Variants in DENND2B observed in about 807,000 individuals in gnomAD.
The protein encoded by DENND2B is DENN domain containing 2B.
Under a neutral mutation model 116.0 loss-of-function variants are expected in DENND2B, and 32 were observed. The observed-to-expected ratio is 0.28, with a 90% CI of 0.21 to 0.37. The LOEUF is 0.37. Among genes scored for constraint, DENND2B ranks in the 10% least tolerant of loss-of-function variants. The probability of loss-of-function intolerance (pLI) is 1.00; values close to 1 mark genes in which losing one functional copy is unlikely to be tolerated. For missense variants in DENND2B, 1,276 were observed against 1,477.7 expected, an observed-to-expected ratio of 0.86 and a Z score of 2.24; for synonymous variants, 588 against 583.9, an observed-to-expected ratio of 1.01 and a Z score of -0.10.
Position 8,710,901 on chromosome 11 carries a change from A to C in DENND2B, c.2296T>G (p.Phe766Val). The C allele has an allele frequency of 1.9e-6, 3 of 1,614,124 alleles. No individual in the cohort carries two copies. Among genetic ancestry groups the C allele is most frequent in the Non-Finnish European group, 2.5e-6 (3 of 1,180,004 alleles). The change falls in exon 11 of 20, where the codon TTC becomes GTC. Residue 766 changes from phenylalanine (F) to valine (V), a missense_variant. Physicochemically the swap from Phe to Val is conservative, Grantham distance 50. This residue lies in a region of DENND2B where 420 missense variants were observed against 631.1 expected (regional missense o/e 0.67). Transcript: ENST00000313726. Reference sequence around the variant, plus strand: ...CTGCCATCTTCCCCAGTCAGCATGAAAGAAAAGGTCTCACTGGAACAAAGA... The same window carrying C: ...CTGCCATCTTCCCCAGTCAGCATGACAGAAAAGGTCTCACTGGAACAAAGA... ...VSEYSSETFS[F>V]MLTGEDGSRR...
intron 1 of DENND2B, among the ~76,000 whole-genome samples, chr11:8,901,758 A>G (rs2064174066): frequency 6.6e-6 from 1 of 152,112 alleles, no homozygotes; most frequent in Non-Finnish European, 1.5e-5. Context: ...ATTTGCAAAT[A>G]TTTGTAGATT....
chr11:8,889,860 T>G (rs549689747), intron 1 of DENND2B, among the ~76,000 whole-genome samples: 7 of 152,272 alleles, frequency 4.6e-5, no homozygotes, highest in African/African-American at 1.7e-4. Context: ...TCTGCAGACT[T>G]AAATGTCCCT....
At chr11:8,871,056 G>A (rs975614150) in exon 2 of DENND2B, 6 of 152,198 alleles carry the variant, frequency 3.9e-5, no homozygotes, top group African/African-American at 1.4e-4. Flanking sequence ...GGCGGGCGGC[G>A]GGCAGGCATC....
chr11:8,885,834 A>G (rs1411641008), intron 1 of DENND2B, among the ~76,000 whole-genome samples: 2 of 152,226 alleles, frequency 1.3e-5, no homozygotes, highest in South Asian at 2.1e-4. Context: ...GGTGACAACT[A>G]TCCCATAATT....
At position 8,810,607 on chromosome 11, in the gene DENND2B, C is replaced by T. The variant is rs2061304155; in HGVS notation, c.-116G>A. Reference sequence around the variant, plus strand: ...CCCCCAAATCCACTGGCTTAAGCTCCGATACCTGCTGCGAGCTTCCCACAG... The same window carrying T: ...CCCCCAAATCCACTGGCTTAAGCTCTGATACCTGCTGCGAGCTTCCCACAG... On this transcript the variant is annotated 5_prime_UTR_variant, in exon 1 of 20. Coordinates refer to ENST00000313726, the MANE Select transcript of DENND2B (RefSeq NM_213618.2). 6.6e-6 allele frequency: 1 copy of T among 152,312 alleles called. No homozygotes were observed. Among genetic ancestry groups the T allele is most frequent in the South Asian group, 2.1e-4 (1 of 4,832 alleles). The allele number at this position is 152,312 out of a possible 1,614,324, so 9.4% of individuals were successfully genotyped here.
intron 1 of DENND2B, among the ~76,000 whole-genome samples, chr11:8,903,933 A>C (rs531230106): frequency 3.5e-4 from 53 of 151,572 alleles, no homozygotes; most frequent in Admixed American, 2.1e-3. Context: ...AAATATAAGT[A>C]GACCTAAAAC....
rs764113378 is a variant in DENND2B at position 8,730,954 on chromosome 11, G to T, written c.336C>A (p.Asp112Glu). ...CGCCTTGGACACTTTCCTTTTGGGC[G>T]TCTCTCTTGCACGCCGAAGGGCTTC... ...LDRSPSACKR[D>E]AQKESVQGAA... The change falls in exon 3 of 20, where the codon GAC (aspartate) becomes GAA (glutamate). Residue 112 changes from aspartate to glutamate, a missense_variant. By Grantham distance (45) the Asp-to-Glu change is conservative. Around this residue, in one of 2 missense-constraint regions of DENND2B, gnomAD observed 856 missense variants for 846.6 expected, o/e 1.01. Coordinates refer to ENST00000313726, the MANE Select transcript of DENND2B (RefSeq NM_213618.2). This position sits in a 1 kb window ranked among gnomAD's most constrained non-coding sequence, Gnocchi z 4.1. The T allele has an allele frequency of 6.2e-7, 1 of 1,614,126 alleles. No homozygotes were observed. The highest frequency in any genetic ancestry group is 1.3e-5 in the African/African-American group (1 of 74,952).
At chr11:8,700,069 G>A (rs6483729) in intron 14 of DENND2B, 26,738 of 451,804 alleles carry the variant, frequency 0.059, 1,065 homozygotes, top group African/African-American at 0.13. Flanking sequence ...TGGCCTGGGG[G>A]GGGGCAGGGT....
intron 1 of DENND2B, among the ~76,000 whole-genome samples, chr11:8,754,027 G>A (rs1008429599): frequency 5.3e-3 from 61 of 11,582 alleles, no homozygotes; most frequent in African/African-American, 7.9e-3. Context: ...CACCAAAAGC[G>A]CGCACACACA....
upstream of DENND2B, chr11:8,810,786 CTTTT>C: frequency 2.0e-5 from 3 of 151,810 alleles, no homozygotes; most frequent in Non-Finnish European, 2.9e-5. Context: ...AGGGCGCTCT[CTTTT>C]TCTTTCTTTC....
chr11:8,791,885 G>A (rs1048585949), intron 1 of DENND2B, among the ~76,000 whole-genome samples: 17 of 152,124 alleles, frequency 1.1e-4, no homozygotes, highest in African/African-American at 4.1e-4. Flanking sequence ...TAGAAAAAAA[G>A]GTTATCTTAG....
chr11:8,741,918 G>A (rs966527097), intron 2 of DENND2B, among the ~76,000 whole-genome samples: 6 of 151,920 alleles, frequency 3.9e-5, no homozygotes, highest in African/African-American at 1.2e-4. Context: ...GAGAGACAGT[G>A]TCTCACTCTG....
chr11:8,853,760 T>C (rs1196334565), intron 3 of DENND2B, among the ~76,000 whole-genome samples: 1 of 152,182 alleles, frequency 6.6e-6, no homozygotes, highest in Non-Finnish European at 1.5e-5. Context: ...GAGAAAGACC[T>C]AGAAAGGAGA....
At chr11:8,740,239 G>A (rs2049962726) in intron 2 of DENND2B, among the ~76,000 whole-genome samples, 1 of 151,744 alleles carries the variant, frequency 6.6e-6, no homozygotes, top group South Asian at 2.1e-4. Flanking sequence ...AGCATCATGT[G>A]TATGTGTGCG....
At chr11:8,793,512 C>A (rs2059561629) in intron 1 of DENND2B, among the ~76,000 whole-genome samples, 1 of 152,340 alleles carries the variant, frequency 6.6e-6, no homozygotes, top group Middle Eastern at 3.4e-3. Context: ...TAGTATGCAT[C>A]AGAACTTCCT....
intron 2 of DENND2B, 116 bp from the exon 3 acceptor site, chr11:8,731,325 C>CAAAA: frequency 1.0e-6 from 1 of 1,003,766 alleles, no homozygotes; most frequent in South Asian, 1.9e-5. Flanking sequence ...GGAGGACTCT[C>CAAAA]AAAGAGTATT....
At chr11:8,700,128 A>G (rs891783427) in intron 14 of DENND2B, 3 of 394,584 alleles carry the variant, frequency 7.6e-6, no homozygotes, top group Non-Finnish European at 1.5e-5. Flanking sequence ...CCTTCAGGAA[A>G]AGAAACCTCA....
Position 8,704,777 on chromosome 11 carries a change from A to C in DENND2B, c.2572-2057T>G, listed in dbSNP as rs530987734. On this transcript the variant is annotated intron_variant, in intron 13 of 19. Transcript: ENST00000313726. ...CAGTGGCGCAATCTTGACTCACTAC[A>C]ATCTTCACCTCCCGAGTTCAAGAGA... is the stretch of plus-strand genomic sequence containing the variant. Among the ~76,000 whole-genome samples, 40 of 152,136 alleles carry C rather than the reference A, an allele frequency of 2.6e-4. No homozygotes were observed. The South Asian group carries it at 7.5e-3, about 28-fold the overall frequency.
chr11:8,743,541 C>A (rs1456481211), intron 2 of DENND2B, among the ~76,000 whole-genome samples: 5 of 151,890 alleles, frequency 3.3e-5, no homozygotes, highest in Middle Eastern at 3.2e-3. Flanking sequence ...CAGAGTGAGA[C>A]CCTGTCTCAA....
Sources: allele counts gnomAD v4.1 joint callset (sites outside exome capture counted in the v4.1 genomes callset), GRCh38; gene constraint gnomAD v4.1.1; regional missense constraint gnomAD v4.1.1; non-coding constraint Gnocchi (gnomAD v3.1); transcripts MANE v1.5; gene names NCBI Gene and HGNC (gene_info 2026-07-23, HGNC 2026-07-21).